The following NME6 variants were observed in gnomAD, a reference collection of about 807,000 sequenced individuals.
NME6 encodes the protein NME/NM23 nucleoside diphosphate kinase 6.
NME6 carries 16 observed loss-of-function variants against 22.2 expected under a neutral mutation model. That is an observed-to-expected ratio of 0.72 (90% confidence interval 0.49 to 1.09). The LOEUF is 1.09. Among genes scored for constraint, NME6 ranks in the 50% least tolerant of loss-of-function variants. The pLI is 0.00. For missense variants in NME6, 229 were observed against 239.0 expected (o/e 0.96, Z 0.28); for synonymous variants, 58 against 85.2 (o/e 0.68, Z 1.76).
rs2034936730 is a variant in NME6, at chr3:48,295,127, A to T, written c.342T>A (p.Ser114=). ...CAGTGAGGCCGAAACTCCCACGGATAGAATCTGGGGCCACATGGCGTGCTC... is the reference window on the plus strand; with the variant it reads ...CAGTGAGGCCGAAACTCCCACGGATTGAATCTGGGGCCACATGGCGTGCTC... ...VFRARHVAPD[S]IRGSFGLTDT... Residue 114 remains serine (S), a synonymous_variant, in exon 5 of 6, where the codon TCT becomes TCA. Transcript: ENST00000442597. The T allele has an allele frequency of 6.2e-7, 1 of 1,614,070 alleles. No individual in the cohort carries two copies. The highest frequency in any genetic ancestry group is 8.5e-7 in the Non-Finnish European group (1 of 1,180,038).
At chr3:48,301,288 A>G (rs1303008998) in intron 1 of NME6, 65 bp downstream of exon 1, 3 of 1,599,286 alleles carry the variant, frequency 1.9e-6, no homozygotes, top group East Asian at 2.3e-5. Flanking sequence ...CCCGGGGCCT[A>G]AGCCCACCCC....
Position 48,293,984 on chromosome 3 carries a change from A to G in NME6, c.*653T>C, listed in dbSNP as rs1171001489. On this transcript the variant is annotated 3_prime_UTR_variant, in exon 6 of 6. Transcript: ENST00000442597. ...CTGAAAAGTTTCCCCTAAATGTGGC[A>G]GCATAAAGGATTCAGGAGAACACTG... 2 of 152,238 alleles carry G rather than the reference A, an allele frequency of 1.3e-5. No homozygotes were observed. The highest frequency in any genetic ancestry group is 2.9e-5 in the Non-Finnish European group (2 of 68,048). 9.4% of individuals were successfully genotyped at this position (152,238 alleles called of 1,614,324 possible). A position where few individuals can be genotyped will look rare whatever the true frequency, so the allele number is the denominator to read the frequency against.
At position 48,296,741 on chromosome 3, in the gene NME6, TA is replaced by T; in HGVS notation, c.178del (p.Tyr60ThrfsTer118). 1 of 1,613,122 alleles carries T rather than the reference TA, an allele frequency of 6.2e-7. No homozygotes were observed. ...LWRKEDCQRF[Y>X]REHEGRFFYQ... ...ACTGATCCTACCTTCATGCTCTCGG[TA>T]AAACCTCTGGCAATCTTCCTTTCTC... On this transcript the variant is annotated frameshift_variant, in exon 3 of 6. Transcript: ENST00000442597. LOFTEE classifies it high-confidence loss of function.
At chr3:48,292,300 G>A (rs892522751), downstream of NME6, 8 of 152,208 alleles carry the variant, frequency 5.3e-5, no homozygotes, top group South Asian at 2.1e-4. Flanking sequence ...TGAAATACAC[G>A]AGTTCACACT....
chr3:48,299,193 G>A (rs1387533582), intron 1 of NME6: 7 of 497,530 alleles, frequency 1.4e-5, no homozygotes, highest in East Asian at 3.0e-5. Context: ...CTGAAACAGT[G>A]CCTGACACAA....
intron 1 of NME6, chr3:48,299,235 A>G: frequency 2.3e-6 from 1 of 431,310 alleles, no homozygotes; most frequent in Non-Finnish European, 4.1e-6. Context: ...TACTAAATAA[A>G]CCTATATAGT....
chr3:48,290,357 T>A (rs924868840), downstream of NME6, among the ~76,000 whole-genome samples: 1 of 152,196 alleles, frequency 6.6e-6, no homozygotes, highest in East Asian at 1.9e-4. Context: ...CAATTTATAA[T>A]TGTATAAATT....
chr3:48,301,356 G>T lies in NME6; in HGVS notation c.-11C>A, dbSNP rs377423565. Reference sequence around the variant, plus strand: ...AGAAGTCCGGCTGCGGGTTCACCTTGTCCTCCGGCACAGGGCCCGGCCACC... The same window carrying T: ...AGAAGTCCGGCTGCGGGTTCACCTTTTCCTCCGGCACAGGGCCCGGCCACC... On this transcript the variant is annotated 5_prime_UTR_variant, in exon 1 of 6. Transcript: ENST00000442597. The T allele has an allele frequency of 6.4e-7, 1 of 1,563,288 alleles. No individual in the cohort carries two copies. Among genetic ancestry groups the T allele is most frequent in the East Asian group, 2.4e-5 (1 of 42,176 alleles).
rs35784663 is a variant in NME6, at chr3:48,294,729, C to T, written c.469G>A (p.Glu157Lys). Reference protein sequence around the residue: ...DFSEQRWYEEEEPQLRCGPVC... With the variant: ...DFSEQRWYEEKEPQLRCGPVC... ...GGGCCACAGCGCAACTGGGGCTCTTCCTCCTCATACCAGCGCTGTTCACTG... is the reference window on the plus strand; with the variant it reads ...GGGCCACAGCGCAACTGGGGCTCTTTCTCCTCATACCAGCGCTGTTCACTG... The change falls in exon 6 of 6, where the codon GAA (glutamate) becomes AAA (lysine). Residue 157 changes from glutamate (E) to lysine (K), a missense_variant. Physicochemically the swap from Glu to Lys is moderately conservative, Grantham distance 56 (BLOSUM62 1). Transcript: ENST00000442597. The T allele has an allele frequency of 1.0e-3, 1,622 of 1,614,168 alleles. 2 individuals carry two copies. The highest frequency in any genetic ancestry group is 1.2e-3 in the Non-Finnish European group (1,391 of 1,180,032).
chr3:48,298,350 A>C, intron 2 of NME6, 77 bp downstream of exon 2: 1 of 1,252,876 alleles, frequency 8.0e-7, no homozygotes, highest in Non-Finnish European at 1.2e-6. Context: ...GTTGTCAGTC[A>C]CCATAAATGG....
chr3:48,294,466 A>G lies in NME6; in HGVS notation c.*171T>C, dbSNP rs1228315143. The G allele has an allele frequency of 6.7e-6, 4 of 599,816 alleles. No homozygotes were observed. The highest frequency in any genetic ancestry group is 1.8e-5 in the African/African-American group (1 of 54,152). 37.2% of individuals were successfully genotyped at this position (599,816 alleles called of 1,614,324 possible). A position where few individuals can be genotyped will look rare whatever the true frequency, so the allele number is the denominator to read the frequency against. On this transcript the variant is annotated 3_prime_UTR_variant, in exon 6 of 6. Coordinates refer to ENST00000442597, the MANE Select transcript of NME6 (RefSeq NM_001308426.2). ...CATAAACATTCCAGAGAAGAGGTAG[A>G]TAGAAGGCTAGATCCTGGAGGATGT...
Position 48,293,125 on chromosome 3 carries a change from C to G in NME6, c.*1512G>C. 6.6e-6 allele frequency: 1 copy of G among 152,218 alleles called. No individual in the cohort carries two copies. Among genetic ancestry groups the G allele is most frequent in the Admixed American group, 6.5e-5 (1 of 15,280 alleles). The allele number at this position is 152,218 out of a possible 1,614,324, so 9.4% of individuals were successfully genotyped here. ...AGAAGTTGTTGAAAGTTCTACTCAG[C>G]TTCTTAGCTGCCTCTTCCAGAATCA... On this transcript the variant is annotated 3_prime_UTR_variant, in exon 6 of 6. Coordinates refer to ENST00000442597, the MANE Select transcript of NME6 (RefSeq NM_001308426.2).
chr3:48,301,210 C>T, intron 1 of NME6, 143 bp downstream of exon 1: 1 of 1,472,190 alleles, frequency 6.8e-7, no homozygotes, highest in Non-Finnish European at 9.2e-7. Context: ...CCCGGGCTCA[C>T]GGCCTCAACT....
At position 48,294,417 on chromosome 3, in the gene NME6, G is replaced by A; in HGVS notation, c.*220C>T. On this transcript the variant is annotated 3_prime_UTR_variant, in exon 6 of 6. Transcript: ENST00000442597. The stretch of plus-strand genomic sequence containing the variant: ...AAGGATGAACAGTTCTCAGCAAAGA[G>A]GAGTCATCATTCTTCTGAACCACCA... 2.0e-6 allele frequency: 1 copy of A among 505,414 alleles called. No homozygotes were observed. The highest frequency in any genetic ancestry group is 3.6e-6 in the Non-Finnish European group (1 of 279,648). The allele number at this position is 505,414 out of a possible 1,614,324, so 31.3% of individuals were successfully genotyped here. A position where few individuals can be genotyped will look rare whatever the true frequency, so the allele number is the denominator to read the frequency against.
rs2035038362 is a variant in NME6, at chr3:48,295,865, G to A, written c.233+254C>T. The A allele has an allele frequency of 5.8e-6, 3 of 516,196 alleles. No homozygotes were observed. The South Asian group carries it at 6.5e-5, about 11-fold the overall frequency. 32.0% of individuals were successfully genotyped at this position (516,196 alleles called of 1,614,324 possible). On this transcript the variant is annotated intron_variant, in intron 4 of 5. Coordinates refer to ENST00000442597, the MANE Select transcript of NME6 (RefSeq NM_001308426.2). Reference sequence around the variant, plus strand: ...CGAGTAGCTGGGATTACAGGCACCTGCCACCATGCCGGGCTAATTTTTTGT... The same window carrying A: ...CGAGTAGCTGGGATTACAGGCACCTACCACCATGCCGGGCTAATTTTTTGT...
At chr3:48,287,750 A>G (rs2034252313), downstream of NME6, 1 of 152,218 alleles carries the variant, frequency 6.6e-6, no homozygotes, top group South Asian at 2.1e-4. Context: ...GTAACTTTAA[A>G]TAGGAACTTG....
At position 48,293,874 on chromosome 3, in the gene NME6, T is replaced by G. The variant is rs2034761274; in HGVS notation, c.*763A>C. 6.6e-6 allele frequency: 1 copy of G among 152,178 alleles called. No individual in the cohort carries two copies. Among genetic ancestry groups the G allele is most frequent in the African/African-American group, 2.4e-5 (1 of 41,454 alleles). The allele number at this position is 152,178 out of a possible 1,614,324, so 9.4% of individuals were successfully genotyped here. ...ACACAGAAGGAGAAAACCAAGGGTG[T>G]GGGATCAGAAAATCCAAGAGAAGAG... On this transcript the variant is annotated 3_prime_UTR_variant, in exon 6 of 6. Coordinates refer to ENST00000442597, the MANE Select transcript of NME6 (RefSeq NM_001308426.2).
downstream of NME6, among the ~76,000 whole-genome samples, chr3:48,288,138 TGA>T (rs2034263540): frequency 2.0e-5 from 3 of 152,140 alleles, no homozygotes; most frequent in Admixed American, 1.3e-4. Flanking sequence ...CCTAGCACTT[TGA>T]GAGGCCGAGA....
At chr3:48,288,035 G>A (rs893811730), downstream of NME6, among the ~76,000 whole-genome samples, 3 of 152,124 alleles carry the variant, frequency 2.0e-5, no homozygotes, top group African/African-American at 7.2e-5. Context: ...AGACAGGGAT[G>A]TAGAAGGGAC....
Sources: allele counts gnomAD v4.1 joint callset (sites outside exome capture counted in the v4.1 genomes callset), GRCh38; gene constraint gnomAD v4.1.1; transcripts MANE v1.5; gene names NCBI Gene and HGNC (gene_info 2026-07-23, HGNC 2026-07-21).